CACNA2D3: variants seen among roughly 807,000 people sequenced by gnomAD.
The protein encoded by CACNA2D3 is calcium voltage-gated channel auxiliary subunit alpha2delta 3.
In CACNA2D3, 60 loss-of-function variants were observed where a neutral mutation model predicts 160.6. The ratio of observed to expected loss-of-function variants is 0.37; its 90% CI spans 0.30 to 0.46. CACNA2D3 has a LOEUF of 0.46. Ranked by LOEUF, CACNA2D3 falls within the 20% of genes least tolerant of loss-of-function variation. The pLI is 1.00. For synonymous variants in CACNA2D3, 558 were observed against 492.9 expected, an observed-to-expected ratio of 1.13 and a Z score of -1.75; for missense variants, 1,205 against 1,365.0, an observed-to-expected ratio of 0.88 and a Z score of 1.85.
chr3:54,325,668 G>C (rs1704107185), intron 3 of CACNA2D3, among the ~76,000 whole-genome samples: 1 of 152,172 alleles, frequency 6.6e-6, no homozygotes, highest in African/African-American at 2.4e-5. Context: ...ATCTGTTGTG[G>C]TAGCGTTTCA....
intron 2 of CACNA2D3, among the ~76,000 whole-genome samples, chr3:54,230,773 A>G (rs1701753855): frequency 6.6e-6 from 1 of 152,232 alleles, no homozygotes; most frequent in African/African-American, 2.4e-5. Flanking sequence ...AATATTTTAT[A>G]TAGGTAGATG....
chr3:54,149,883 G>GTC lies in CACNA2D3; in HGVS notation c.204+26336_204+26337dup, dbSNP rs554851240. Among the ~76,000 whole-genome samples, 402 of 60,646 alleles carry GTC rather than the reference G, an allele frequency of 6.6e-3. 20 individuals are homozygous for GTC. Among genetic ancestry groups the GTC allele is most frequent in the Non-Finnish European group, 8.8e-3 (289 of 32,722 alleles). 39.8% of individuals were successfully genotyped at this position (60,646 alleles called of 152,430 possible). Reference sequence around the variant, plus strand: ...CAGAGAGGGCTGTCCTGAAGTATCTGTCTCTCTCTCTCTCTCTCTCTCTCT... The same window carrying GTC: ...CAGAGAGGGCTGTCCTGAAGTATCTGTCTCTCTCTCTCTCTCTCTCTCTCTCT... On this transcript the variant is annotated intron_variant, in intron 2 of 37. Coordinates refer to ENST00000474759, the MANE Select transcript of CACNA2D3 (RefSeq NM_018398.3).
At chr3:54,873,323 G>C (rs1488000828) in intron 18 of CACNA2D3, among the ~76,000 whole-genome samples, 1 of 152,078 alleles carries the variant, frequency 6.6e-6, no homozygotes, top group Non-Finnish European at 1.5e-5. Context: ...ACAGTTGCTA[G>C]GAATCTTTGG....
At chr3:54,355,238 A>G (rs1698628711) in intron 3 of CACNA2D3, among the ~76,000 whole-genome samples, 1 of 152,212 alleles carries the variant, frequency 6.6e-6, no homozygotes, top group Admixed American at 6.5e-5. Context: ...GGTTATGTAC[A>G]ACTTTGAGGC....
At chr3:54,524,489 C>T (rs1436167448) in intron 5 of CACNA2D3, among the ~76,000 whole-genome samples, 1 of 151,912 alleles carries the variant, frequency 6.6e-6, no homozygotes, top group Non-Finnish European at 1.5e-5. Context: ...TGGGTGGTGT[C>T]TGTTGCGTCT....
intron 24 of CACNA2D3, among the ~76,000 whole-genome samples, chr3:54,888,804 T>A (rs1224795131): frequency 6.6e-6 from 1 of 152,154 alleles, no homozygotes; most frequent in African/African-American, 2.4e-5. Flanking sequence ...CTGTTCTCAT[T>A]TTCATTCATT....
chr3:54,791,148 C>T (rs1241831628), intron 13 of CACNA2D3, among the ~76,000 whole-genome samples: 1 of 152,178 alleles, frequency 6.6e-6, no homozygotes, highest in Non-Finnish European at 1.5e-5. Flanking sequence ...ATGACAGATG[C>T]CTGGGAAACA....
intron 3 of CACNA2D3, among the ~76,000 whole-genome samples, chr3:54,356,186 T>C (rs1347769251): frequency 6.6e-6 from 1 of 152,178 alleles, no homozygotes; most frequent in African/African-American, 2.4e-5. Context: ...ATCAACAATA[T>C]AGGTTAATTG....
At chr3:54,628,448 A>C (rs1290735479) in intron 10 of CACNA2D3, among the ~76,000 whole-genome samples, 1 of 152,190 alleles carries the variant, frequency 6.6e-6, no homozygotes, top group Non-Finnish European at 1.5e-5. Context: ...TCATAGAGAC[A>C]CTAATGAGGG....
intron 4 of CACNA2D3, among the ~76,000 whole-genome samples, chr3:54,446,530 A>G (rs1700224570): frequency 6.6e-6 from 1 of 152,212 alleles, no homozygotes; most frequent in Non-Finnish European, 1.5e-5. Context: ...TAATATAACA[A>G]ACATCAAGAT....
At chr3:54,852,861 G>A (rs533089346) in intron 17 of CACNA2D3, among the ~76,000 whole-genome samples, 27 of 152,256 alleles carry the variant, frequency 1.8e-4, no homozygotes, top group African/African-American at 6.0e-4. Context: ...AAAAAGGTAG[G>A]AGCACTTCTA....
intron 9 of CACNA2D3, among the ~76,000 whole-genome samples, chr3:54,602,923 C>G (rs920213054): frequency 1.3e-5 from 2 of 152,170 alleles, no homozygotes; most frequent in African/African-American, 4.8e-5. Context: ...GAATGGGACC[C>G]TTTCAAAGCA....
intron 2 of CACNA2D3, among the ~76,000 whole-genome samples, chr3:54,215,205 G>A (rs935563030): frequency 4.6e-5 from 7 of 152,016 alleles, no homozygotes; most frequent in African/African-American, 1.7e-4. Flanking sequence ...CTTTATTAAG[G>A]TATAATTTAC....
chr3:54,299,286 A>T (rs1277276778), intron 2 of CACNA2D3, among the ~76,000 whole-genome samples: 2 of 151,592 alleles, frequency 1.3e-5, no homozygotes, highest in Admixed American at 6.6e-5. Flanking sequence ...AGGGCCCCAC[A>T]CCACACTCCT....
Position 54,618,379 on chromosome 3 carries a change from A to ATG in CACNA2D3, c.964-9408_964-9407insTG, listed in dbSNP as rs1401834228. ...TATATATATATATATATATATGCACACACACACACACACACACACACACAC... is the reference window on the plus strand; with the variant it reads ...TATATATATATATATATATATGCACATGCACACACACACACACACACACACAC... On this transcript the variant is annotated intron_variant, in intron 9 of 37. Transcript: ENST00000474759. Among the ~76,000 whole-genome samples, 613 of 141,562 alleles carry ATG rather than the reference A, an allele frequency of 4.3e-3. 6 individuals carry two copies. In the East Asian group the frequency reaches 0.048, roughly 11 times the overall value. The allele number at this position is 141,562 out of a possible 152,430, so 92.9% of individuals were successfully genotyped here.
At chr3:54,651,905 C>G (rs1407882507) in intron 11 of CACNA2D3, among the ~76,000 whole-genome samples, 1 of 152,198 alleles carries the variant, frequency 6.6e-6, no homozygotes. Flanking sequence ...TTTAAGAACC[C>G]AACCCTTCAC....
chr3:54,362,808 G>A (rs189267837), intron 3 of CACNA2D3, among the ~76,000 whole-genome samples: 1 of 152,232 alleles, frequency 6.6e-6, no homozygotes, highest in Non-Finnish European at 1.5e-5. Flanking sequence ...ACTCCCCAAA[G>A]TGTGGACCAT....
At chr3:54,280,810 C>CT (rs1489144189) in intron 2 of CACNA2D3, among the ~76,000 whole-genome samples, 2 of 152,200 alleles carry the variant, frequency 1.3e-5, no homozygotes, top group African/African-American at 4.8e-5. Context: ...ATTCCTCCTC[C>CT]TTTTTGGGTC....
At chr3:55,051,535 G>T (rs1476638051) in intron 35 of CACNA2D3, among the ~76,000 whole-genome samples, 1 of 151,896 alleles carries the variant, frequency 6.6e-6, no homozygotes, top group East Asian at 1.9e-4. Context: ...ATTTAAGTCT[G>T]CAGAGGTTAC....
Sources: allele counts gnomAD v4.1 joint callset (sites outside exome capture counted in the v4.1 genomes callset), GRCh38; gene constraint gnomAD v4.1.1; transcripts MANE v1.5; gene names NCBI Gene and HGNC (gene_info 2026-07-23, HGNC 2026-07-21).